The following PCDH15 variants were observed in gnomAD, a reference collection of about 807,000 sequenced individuals.
PCDH15 encodes protocadherin related 15.
In PCDH15, 129 loss-of-function variants were observed where a neutral mutation model predicts 178.5. The observed-to-expected ratio is 0.72, with a 90% CI of 0.63 to 0.84. The LOEUF (loss-of-function observed/expected upper bound fraction) is 0.84. PCDH15 is among the 40% of genes least tolerant of loss of function. The probability of loss-of-function intolerance (pLI) is 0.00; values close to 1 mark genes in which losing one functional copy is unlikely to be tolerated. For missense variants in PCDH15, 2,230 were observed against 2,099.9 expected, an observed-to-expected ratio of 1.06 and a Z score of -1.21; for synonymous variants, 800 against 732.0, an observed-to-expected ratio of 1.09 and a Z score of -1.50.
intron 2 of PCDH15, among the ~76,000 whole-genome samples, chr10:54,619,643 C>T (rs2093292349): frequency 6.6e-6 from 1 of 152,002 alleles, no homozygotes; most frequent in Non-Finnish European, 1.5e-5. Context: ...AAGATGTGCT[C>T]ACTTTGCAAA....
At chr10:54,215,755 G>T (rs570160061) in intron 9 of PCDH15, among the ~76,000 whole-genome samples, 2 of 152,006 alleles carry the variant, frequency 1.3e-5, no homozygotes. Flanking sequence ...AATTTATGTC[G>T]AGACGGCCGG....
chr10:54,010,200 G>A (rs1223885725), intron 20 of PCDH15, among the ~76,000 whole-genome samples: 1 of 151,992 alleles, frequency 6.6e-6, no homozygotes, highest in Non-Finnish European at 1.5e-5. Context: ...GAGGGACAGG[G>A]ATTAGGGACT....
chr10:53,835,451 C>T (rs2077251819), intron 29 of PCDH15, among the ~76,000 whole-genome samples: 1 of 152,004 alleles, frequency 6.6e-6, no homozygotes, highest in African/African-American at 2.4e-5. Flanking sequence ...TGGCTATTAA[C>T]AGCAACAACA....
chr10:55,204,808 T>G (rs1214099747), intron 1 of PCDH15, among the ~76,000 whole-genome samples: 1 of 152,108 alleles, frequency 6.6e-6, no homozygotes, highest in Non-Finnish European at 1.5e-5. Flanking sequence ...TGTTTAATTT[T>G]TTACAACAGT....
intron 32 of PCDH15, chr10:53,822,789 A>T: frequency 6.2e-7 from 1 of 1,614,100 alleles, no homozygotes; most frequent in Non-Finnish European, 8.5e-7. Context: ...TCCTTCTATC[A>T]TCAGTGTTTC....
In PCDH15 at chr10:54,020,294, C is replaced by T. The variant is rs779197038; in HGVS notation, c.2649G>A (p.Glu883=). The change falls in exon 20 of 38, where the codon GAG becomes GAA. Residue 883 remains glutamate, a synonymous_variant. Transcript: ENST00000644397. ...ELSLLRSLDY[E]AFPDQEASIT... ...TACTTGCTTCTTGGTCTGGAAATGC[C>T]TCATAATCTAAACTCCTTAAAAGCG... The T allele has an allele frequency of 3.7e-6, 6 of 1,613,594 alleles. No individual in the cohort carries two copies. The African/African-American group carries it at 5.3e-5, about 14-fold the overall frequency.
intron 2 of PCDH15, among the ~76,000 whole-genome samples, chr10:54,552,607 T>TA (rs1298604464): frequency 6.6e-6 from 1 of 152,110 alleles, no homozygotes; most frequent in African/African-American, 2.4e-5. Flanking sequence ...TCCTTATTGG[T>TA]AAAAAATGTA....
In PCDH15 at chr10:54,104,567, G is replaced by A. The variant is rs1018506983; in HGVS notation, c.1918-14504C>T. On this transcript the variant is annotated intron_variant, in intron 15 of 37. Transcript: ENST00000644397. ...GAATCCCTGAGTTCAGCCGGGCGCG[G>A]TAGCTCACGCCTGTAATCCCAACAC... Among the ~76,000 whole-genome samples, 11 of 152,104 alleles carry A rather than the reference G, an allele frequency of 7.2e-5. No individual in the cohort carries two copies. In the Middle Eastern group the frequency reaches 0.01, roughly 142 times the overall value.
chr10:54,901,119 T>C (rs549184011), intron 2 of PCDH15, among the ~76,000 whole-genome samples: 1 of 147,716 alleles, frequency 6.8e-6, no homozygotes, highest in Non-Finnish European at 1.5e-5. Context: ...TTAAACAGCC[T>C]GGGCAACAAA....
intron 8 of PCDH15, among the ~76,000 whole-genome samples, chr10:54,310,222 T>C (rs1357289801): frequency 2.0e-5 from 3 of 152,050 alleles, no homozygotes; most frequent in Non-Finnish European, 4.4e-5. Context: ...ATTTGGTGTA[T>C]GATGGAAAAC....
rs117121986 is a variant in PCDH15 at position 54,612,292 on chromosome 10, C to A, written c.91+51880G>T. On this transcript the variant is annotated intron_variant, in intron 2 of 37. Coordinates refer to ENST00000644397, the MANE Select transcript of PCDH15 (RefSeq NM_001384140.1). ...GGACATATCTCTAAAGCTCTGTACA[C>A]ATATATTTATTAAAATAAATTGAAT... Among the ~76,000 whole-genome samples the A allele has an allele frequency of 5.3e-4, 80 of 151,916 alleles. 2 individuals are homozygous for A. The East Asian group carries it at 0.014, about 27-fold the overall frequency.
At chr10:55,186,372 C>G (rs1375867679) in intron 1 of PCDH15, among the ~76,000 whole-genome samples, 2 of 150,946 alleles carry the variant, frequency 1.3e-5, no homozygotes, top group Non-Finnish European at 3.0e-5. Flanking sequence ...CTGTTTAAAA[C>G]AGCCTAAAAG....
At chr10:54,816,979 A>G (rs76636583) in intron 3 of PCDH15, among the ~76,000 whole-genome samples, 1,721 of 152,096 alleles carry the variant, frequency 0.011, 37 homozygotes, top group African/African-American at 0.04. Context: ...CCTTTCATAT[A>G]TTTTTGAATA....
chr10:53,969,276 A>G (rs949988630), intron 21 of PCDH15, among the ~76,000 whole-genome samples: 1 of 152,224 alleles, frequency 6.6e-6, no homozygotes, highest in African/African-American at 2.4e-5. Flanking sequence ...AGATCAAATG[A>G]ATGAAATGAA....
chr10:54,412,557 T>C (rs1182913861), intron 3 of PCDH15, among the ~76,000 whole-genome samples: 2 of 152,140 alleles, frequency 1.3e-5, no homozygotes, highest in African/African-American at 4.8e-5. Context: ...ATTATGCCTA[T>C]TAAGGGTGAG....
chr10:53,984,138 T>TTTTTCTTTTC (rs1564928617), intron 21 of PCDH15, among the ~76,000 whole-genome samples: 1 of 103,418 alleles, frequency 9.7e-6, no homozygotes, highest in African/African-American at 3.1e-5. Flanking sequence ...TTTTTTTTCT[T>TTTTTCTTTTC]TTTTCTTTTC....
At chr10:54,161,060 A>G (rs940175787) in intron 13 of PCDH15, among the ~76,000 whole-genome samples, 1 of 152,176 alleles carries the variant, frequency 6.6e-6, no homozygotes, top group African/African-American at 2.4e-5. Context: ...GTGTATATAT[A>G]TGTGTGTGTA....
chr10:54,763,930 T>C (rs965306551), intron 1 of PCDH15, among the ~76,000 whole-genome samples: 16 of 151,500 alleles, frequency 1.1e-4, no homozygotes, highest in African/African-American at 3.4e-4. Context: ...GGGAAACTTA[T>C]GATAGCCTAT....
chr10:54,469,625 A>C (rs2077757766), intron 3 of PCDH15, among the ~76,000 whole-genome samples: 1 of 152,112 alleles, frequency 6.6e-6, no homozygotes, highest in South Asian at 2.1e-4. Flanking sequence ...CCTAATTTTC[A>C]GGGCTGCATA....
Sources: allele counts gnomAD v4.1 joint callset (sites outside exome capture counted in the v4.1 genomes callset), GRCh38; gene constraint gnomAD v4.1.1; transcripts MANE v1.5; gene names NCBI Gene and HGNC (gene_info 2026-07-23, HGNC 2026-07-21).